FGF18: variants seen among roughly 807,000 people sequenced by gnomAD.
FGF18 encodes the protein fibroblast growth factor 18.
A neutral mutation model predicts 23.0 loss-of-function variants in FGF18; 5 were observed. That is an observed-to-expected ratio of 0.22 (90% CI 0.11 to 0.46). FGF18 has a LOEUF of 0.46. FGF18 is among the 20% of genes least tolerant of loss of function. The pLI is 0.99. For synonymous variants in FGF18, 117 were observed against 118.9 expected, an observed-to-expected ratio of 0.98 and a Z score of 0.10; for missense variants, 180 against 291.6, an observed-to-expected ratio of 0.62 and a Z score of 2.79.
intron 4 of FGF18, among the ~76,000 whole-genome samples, chr5:171,449,736 C>T (rs1772470524): frequency 2.0e-5 from 3 of 151,872 alleles, no homozygotes; most frequent in East Asian, 1.9e-4. Context: ...GCCTCGTCAG[C>T]GCTGGGCCTC....
rs1051728225 is a variant in FGF18 at position 171,449,523 on chromosome 5, A to G, written c.357+270A>G. ...TTGAACTCACCAGGCTGAGGTATCCATGGCTGTGTCTCTCCTGTTGGGTGT... is the reference window on the plus strand; with the variant it reads ...TTGAACTCACCAGGCTGAGGTATCCGTGGCTGTGTCTCTCCTGTTGGGTGT... On this transcript the variant is annotated intron_variant, in intron 4 of 4. Transcript: ENST00000274625. Among the ~76,000 whole-genome samples, 6 of 151,672 alleles carry G rather than the reference A, an allele frequency of 4.0e-5. 1 individual carries two copies. The highest frequency in any genetic ancestry group is 5.9e-5 in the Non-Finnish European group (4 of 67,916).
intron 3 of FGF18, among the ~76,000 whole-genome samples, chr5:171,437,381 G>A (rs1302891127): frequency 1.3e-5 from 2 of 152,214 alleles, no homozygotes; most frequent in Non-Finnish European, 2.9e-5. Flanking sequence ...GTCACTGGGG[G>A]CTGGGCCAGG....
intron 3 of FGF18, among the ~76,000 whole-genome samples, chr5:171,437,391 G>A (rs976545198): frequency 2.0e-5 from 3 of 152,210 alleles, no homozygotes; most frequent in South Asian, 2.1e-4. Context: ...GCTGGGCCAG[G>A]CCAGGCCAGG....
At chr5:171,432,551 G>A (rs1772195784) in intron 2 of FGF18, among the ~76,000 whole-genome samples, 1 of 152,132 alleles carries the variant, frequency 6.6e-6, no homozygotes. Flanking sequence ...TGGGATTACA[G>A]GCATGCACCA....
rs1344438273 is a variant in FGF18, at chr5:171,419,932, G to A, written c.-268G>A. On this transcript the variant is annotated 5_prime_UTR_variant, in exon 1 of 5. Coordinates refer to ENST00000274625, the MANE Select transcript of FGF18 (RefSeq NM_003862.3). ...GCGAGCTTCCCCGCACCGGCCAGGC[G>A]CCTCCTGCACAGCGGCTGCCGCCCC... 4 of 161,018 alleles carry A rather than the reference G, an allele frequency of 2.5e-5. No individual in the cohort carries two copies. The highest frequency in any genetic ancestry group is 3.8e-4 in the South Asian group (2 of 5,240). The allele number at this position is 161,018 out of a possible 1,614,324, so 10.0% of individuals were successfully genotyped here. A position where few individuals can be genotyped will look rare whatever the true frequency, so the allele number is the denominator to read the frequency against.
rs920905714 is a variant in FGF18 at position 171,451,562 on chromosome 5, C to A, written c.357+2309C>A. Among the ~76,000 whole-genome samples the A allele has an allele frequency of 3.9e-5, 6 of 152,208 alleles. No individual in the cohort carries two copies. The highest frequency in any genetic ancestry group is 3.2e-3 in the Middle Eastern group (1 of 316). ...CGCCTGGCGTGTGGCTTCTGCATCT[C>A]CAGGCCTTTCCCCGCTGCCCACCTT... On this transcript the variant is annotated intron_variant, in intron 4 of 4. Transcript: ENST00000274625. The surrounding 1 kb of genome is among the most constrained non-coding windows in gnomAD (Gnocchi z 4.5).
chr5:171,435,125 C>T (rs947496488), intron 2 of FGF18, among the ~76,000 whole-genome samples: 2 of 152,172 alleles, frequency 1.3e-5, no homozygotes, highest in African/African-American at 2.4e-5. Context: ...TGGCCAGTGG[C>T]CAGCGTGGCT....
Position 171,434,925 on chromosome 5 carries a change from G to A in FGF18, c.70-1168G>A, listed in dbSNP as rs1265400079. Among the ~76,000 whole-genome samples the A allele has an allele frequency of 6.6e-6, 1 of 152,050 alleles. No individual in the cohort carries two copies. The highest frequency in any genetic ancestry group is 1.5e-5 in the Non-Finnish European group (1 of 67,984). ...GAGGGGAGGGAGAGTGTCAGAGCTG[G>A]AGGTGGCTTCAGAAAGGGGTCCAGG... On this transcript the variant is annotated intron_variant, in intron 2 of 4. Transcript: ENST00000274625. The surrounding 1 kb of genome is among the most constrained non-coding windows in gnomAD (Gnocchi z 4.6).
rs1019224938 is a variant in FGF18, at chr5:171,440,570, C to T, written c.250+4297C>T. On this transcript the variant is annotated intron_variant, in intron 3 of 4. Coordinates refer to ENST00000274625, the MANE Select transcript of FGF18 (RefSeq NM_003862.3). The surrounding 1 kb of genome is among the most constrained non-coding windows in gnomAD (Gnocchi z 4.0). ...ATCAAAGAGCCTTCAGTCTAGGGCC[C>T]CCATTCCTTACTAGAGGCTGACTTT... Among the ~76,000 whole-genome samples the T allele has an allele frequency of 3.3e-5, 5 of 152,102 alleles. No homozygotes were observed. The highest frequency in any genetic ancestry group is 7.4e-5 in the Non-Finnish European group (5 of 68,012).
intron 4 of FGF18, among the ~76,000 whole-genome samples, chr5:171,450,362 A>G (rs1772479962): frequency 6.6e-6 from 1 of 152,152 alleles, no homozygotes; most frequent in Non-Finnish European, 1.5e-5. Context: ...TTTTGTTAAT[A>G]ATTACTGTCA....
At position 171,445,381 on chromosome 5, in the gene FGF18, T is replaced by C. The variant is rs945024801; in HGVS notation, c.251-3766T>C. ...ATATTTTTTGTTGTATGTTTTGAGATGGAGTCTCACTCTTTCGCCCAGGCT... is the reference window on the plus strand; with the variant it reads ...ATATTTTTTGTTGTATGTTTTGAGACGGAGTCTCACTCTTTCGCCCAGGCT... On this transcript the variant is annotated intron_variant, in intron 3 of 4. Transcript: ENST00000274625. 5.9e-5 allele frequency among the ~76,000 whole-genome samples: 9 copies of C among 152,260 alleles called. No homozygotes were observed. In the East Asian group the frequency reaches 1.7e-3, roughly 29 times the overall value.
intron 2 of FGF18, among the ~76,000 whole-genome samples, chr5:171,424,869 A>AG (rs1473672018): frequency 7.2e-4 from 17 of 23,666 alleles, no homozygotes; most frequent in African/African-American, 2.1e-3. Context: ...GGGGGAGGGG[A>AG]GGGGGCGGGG....
chr5:171,441,748 G>T (rs765264989), intron 3 of FGF18, among the ~76,000 whole-genome samples: 35 of 152,314 alleles, frequency 2.3e-4, no homozygotes, highest in Non-Finnish European at 4.4e-4. Flanking sequence ...CCACGAAGAC[G>T]CTCTCAGTAT....
At chr5:171,423,453 G>A (rs569321254) in intron 2 of FGF18, among the ~76,000 whole-genome samples, 73 of 152,308 alleles carry the variant, frequency 4.8e-4, no homozygotes, top group Non-Finnish European at 9.3e-4. Context: ...CGCCAGGCTC[G>A]GCTAGGTCCT....
intron 2 of FGF18, among the ~76,000 whole-genome samples, chr5:171,431,241 G>A (rs1482175201): frequency 2.6e-5 from 4 of 152,172 alleles, no homozygotes; most frequent in Non-Finnish European, 4.4e-5. Flanking sequence ...TTTTCATCAC[G>A]TGGAAGGTTC....
chr5:171,441,474 GGCCTTT>G (rs1456371396), intron 3 of FGF18, among the ~76,000 whole-genome samples: 1 of 152,154 alleles, frequency 6.6e-6, no homozygotes, highest in Non-Finnish European at 1.5e-5. Flanking sequence ...TCCGTCTGCG[GGCCTTT>G]GCATTTGCTG....
intron 2 of FGF18, among the ~76,000 whole-genome samples, chr5:171,425,183 AAAC>A (rs1309951753): frequency 3.3e-5 from 5 of 152,336 alleles, no homozygotes; most frequent in East Asian, 1.9e-4. Context: ...AAGCCATCAA[AAAC>A]AACAACAATA....
rs1475514868 is a variant in FGF18 at position 171,436,615 on chromosome 5, C to CT, written c.250+344dup. Among the ~76,000 whole-genome samples the CT allele has an allele frequency of 7.9e-5, 12 of 152,330 alleles. 1 individual carries two copies. The South Asian group carries it at 2.5e-3, about 32-fold the overall frequency. On this transcript the variant is annotated intron_variant, in intron 3 of 4. Transcript: ENST00000274625. This position sits in a 1 kb window ranked among gnomAD's most constrained non-coding sequence, Gnocchi z 4.4. ...CACTCACCAGCCCCAGGTTCAGCCA[C>CT]TTCAAGGGGCAGGAGCCTCGAGGTG...
intron 4 of FGF18, among the ~76,000 whole-genome samples, chr5:171,450,518 A>G (rs1372592783): frequency 6.6e-6 from 1 of 152,216 alleles, no homozygotes; most frequent in African/African-American, 2.4e-5. Flanking sequence ...CACTTGTCCC[A>G]GGTCCCACAC....
Sources: allele counts gnomAD v4.1 joint callset (sites outside exome capture counted in the v4.1 genomes callset), GRCh38; gene constraint gnomAD v4.1.1; non-coding constraint Gnocchi (gnomAD v3.1); transcripts MANE v1.5; gene names NCBI Gene and HGNC (gene_info 2026-07-23, HGNC 2026-07-21).